Variants in SPOCK3 observed in about 807,000 individuals in gnomAD.
SPOCK3 encodes the protein SPARC (osteonectin), cwcv and kazal like domains proteoglycan 3, also known as testican-3.
A neutral mutation model predicts 56.6 loss-of-function variants in SPOCK3; 30 were observed. The observed-to-expected ratio is 0.53, with a 90% confidence interval of 0.40 to 0.72. The LOEUF is 0.72. SPOCK3 is among the 30% of genes least tolerant of loss of function. SPOCK3 has a pLI of 0.00. For missense variants in SPOCK3, 527 were observed against 530.0 expected, an observed-to-expected ratio of 0.99 and a Z score of 0.06; for synonymous variants, 196 against 183.3, an observed-to-expected ratio of 1.07 and a Z score of -0.56.
chr4:166,790,169 T>TA (rs1553969818), intron 7 of SPOCK3, among the ~76,000 whole-genome samples: 1 of 152,146 alleles, frequency 6.6e-6, no homozygotes, highest in Non-Finnish European at 1.5e-5. Flanking sequence ...GTTCTGGAAA[T>TA]ACAGTGGTGA....
chr4:167,078,422 CA>C (rs1757406771), intron 2 of SPOCK3, among the ~76,000 whole-genome samples: 1 of 145,636 alleles, frequency 6.9e-6, no homozygotes, highest in Non-Finnish European at 1.5e-5. Context: ...GGTAGTACAG[CA>C]AAAGGTAAGT....
intron 4 of SPOCK3, among the ~76,000 whole-genome samples, chr4:166,933,377 C>T (rs1740007389): frequency 6.6e-6 from 1 of 152,180 alleles, no homozygotes. Flanking sequence ...CACCTCTCCC[C>T]TCACTCTGCT....
chr4:166,831,599 T>A (rs1746062329), intron 6 of SPOCK3, among the ~76,000 whole-genome samples: 1 of 152,062 alleles, frequency 6.6e-6, no homozygotes, highest in East Asian at 1.9e-4. Flanking sequence ...GTTCACAACA[T>A]ACTCTCATTA....
At chr4:167,185,840 A>G (rs1731901830) in intron 2 of SPOCK3, among the ~76,000 whole-genome samples, 1 of 152,214 alleles carries the variant, frequency 6.6e-6, no homozygotes. Context: ...AAATGCAAAT[A>G]TTATTTCATT....
At chr4:167,069,549 C>T (rs538104300) in intron 2 of SPOCK3, among the ~76,000 whole-genome samples, 41 of 151,856 alleles carry the variant, frequency 2.7e-4, no homozygotes, top group African/African-American at 9.2e-4. Flanking sequence ...TGCAGAACAA[C>T]GACTAGATGG....
intron 6 of SPOCK3, among the ~76,000 whole-genome samples, chr4:166,826,965 T>C (rs1156376004): frequency 6.6e-6 from 1 of 152,054 alleles, no homozygotes; most frequent in Non-Finnish European, 1.5e-5. Context: ...AGAGACCTTC[T>C]TAAAAATTTT....
chr4:166,879,256 T>C (rs1023204628), intron 6 of SPOCK3, among the ~76,000 whole-genome samples: 3 of 152,148 alleles, frequency 2.0e-5, no homozygotes, highest in Non-Finnish European at 4.4e-5. Flanking sequence ...GGCATGATCA[T>C]GATGGCTCAT....
chr4:167,023,443 A>G (rs765520495), intron 3 of SPOCK3, among the ~76,000 whole-genome samples: 1 of 151,914 alleles, frequency 6.6e-6, no homozygotes, highest in African/African-American at 2.4e-5. Flanking sequence ...TAAGACTTGG[A>G]TCATCACACT....
intron 3 of SPOCK3, among the ~76,000 whole-genome samples, chr4:167,046,681 C>G (rs1753763500): frequency 6.6e-6 from 1 of 151,858 alleles, no homozygotes; most frequent in African/African-American, 2.4e-5. Context: ...TGGTCTCGAA[C>G]TCCTACCTCA....
chr4:167,088,781 T>C (rs1240164868), intron 2 of SPOCK3, among the ~76,000 whole-genome samples: 2 of 152,102 alleles, frequency 1.3e-5, no homozygotes, highest in Non-Finnish European at 2.9e-5. Context: ...TTAAGGCCAA[T>C]GCAAGTATTA....
intron 7 of SPOCK3, among the ~76,000 whole-genome samples, chr4:166,784,116 T>C (rs1560853341): frequency 1.3e-5 from 2 of 152,110 alleles, no homozygotes; most frequent in Admixed American, 6.6e-5. Flanking sequence ...CAACATTTCA[T>C]TCACCCAGTG....
In SPOCK3 at chr4:167,062,494, T is replaced by C. The variant is rs1307753678; in HGVS notation, c.233A>G (p.Gln78Arg). 10 of 1,601,064 alleles carry C rather than the reference T, an allele frequency of 6.2e-6. No individual in the cohort carries two copies. Among genetic ancestry groups the C allele is most frequent in the Non-Finnish European group, 8.5e-6 (10 of 1,169,804 alleles). The change falls in exon 3 of 11, where the codon CAG becomes CGG. Residue 78 changes from glutamine to arginine, a missense_variant and splice_region_variant. By Grantham distance (43) the Gln-to-Arg change is conservative (BLOSUM62 1). Coordinates refer to ENST00000357545, the MANE Select transcript of SPOCK3 (RefSeq NM_001040159.2). The stretch of plus-strand genomic sequence containing the variant: ...TTTTAAAATAGTTAGATTCTTACCC[T>C]GATCGAAGGGTTTTCCTGGACTCCA... The part of the protein sequence containing the change: ...RTWSPGKPFD[Q>R]ALDPAKDPCL...
At chr4:167,064,447 A>G (rs1755906101) in intron 2 of SPOCK3, among the ~76,000 whole-genome samples, 1 of 151,898 alleles carries the variant, frequency 6.6e-6, no homozygotes, top group African/African-American at 2.4e-5. Flanking sequence ...ATTCTTGGAA[A>G]ATTAGACTTT....
intron 4 of SPOCK3, among the ~76,000 whole-genome samples, chr4:166,935,150 G>T (rs942033266): frequency 2.6e-5 from 4 of 152,096 alleles, no homozygotes; most frequent in Non-Finnish European, 4.4e-5. Context: ...CCACCATGGG[G>T]CTTGGCCACC....
At chr4:166,962,346 T>C (rs1744232599) in intron 4 of SPOCK3, among the ~76,000 whole-genome samples, 1 of 152,146 alleles carries the variant, frequency 6.6e-6, no homozygotes, top group Admixed American at 6.6e-5. Flanking sequence ...AGGTGTCACA[T>C]GGCCCTTATT....
intron 7 of SPOCK3, among the ~76,000 whole-genome samples, chr4:166,777,218 TA>T (rs1217183619): frequency 4.0e-5 from 6 of 151,258 alleles, no homozygotes; most frequent in Non-Finnish European, 7.4e-5. Context: ...CAATCTAAGT[TA>T]TTTTTTATTT....
intron 3 of SPOCK3, among the ~76,000 whole-genome samples, chr4:167,012,012 T>G (rs1053588641): frequency 6.6e-6 from 1 of 152,014 alleles, no homozygotes; most frequent in African/African-American, 2.4e-5. Flanking sequence ...ATACAGTTTA[T>G]TTCACATTTA....
chr4:166,929,725 C>T lies in SPOCK3; in HGVS notation c.351-16982G>A, dbSNP rs146070257. ...AACAAGATGTATACTACTCACCTTGCTCAACTGGAAGATACGATATCCATT... is the reference window on the plus strand; with the variant it reads ...AACAAGATGTATACTACTCACCTTGTTCAACTGGAAGATACGATATCCATT... On this transcript the variant is annotated intron_variant, in intron 4 of 10. Coordinates refer to ENST00000357545, the MANE Select transcript of SPOCK3 (RefSeq NM_001040159.2). Among the ~76,000 whole-genome samples, 447 of 152,240 alleles carry T rather than the reference C, an allele frequency of 2.9e-3. 6 individuals carry two copies. The highest frequency in any genetic ancestry group is 3.4e-3 in the Non-Finnish European group (230 of 68,010).
At chr4:166,970,916 CAG>C (rs976585824) in intron 4 of SPOCK3, among the ~76,000 whole-genome samples, 17 of 152,216 alleles carry the variant, frequency 1.1e-4, no homozygotes, top group Admixed American at 8.5e-4. Context: ...TTATAAGAGA[CAG>C]AGTCTTGTTA....
Sources: gnomAD v4.1 joint callset for allele counts (sites outside exome capture counted in the v4.1 genomes callset) on GRCh38, gnomAD v4.1.1 for gene constraint, MANE v1.5 for transcripts, NCBI Gene and HGNC (gene_info 2026-07-23, HGNC 2026-07-21) for gene names.